The following CYRIB variants were observed in gnomAD, a reference collection of about 807,000 sequenced individuals.
The protein encoded by CYRIB is CYFIP-related Rac1 interactor B.
In CYRIB, 8 loss-of-function variants were observed where a neutral mutation model predicts 44.2. That is an observed-to-expected ratio of 0.18 (90% CI 0.11 to 0.33). CYRIB has a LOEUF of 0.33. Among genes scored for constraint, CYRIB ranks in the 10% least tolerant of loss-of-function variants. The probability of loss-of-function intolerance (pLI) is 1.00; values close to 1 mark genes in which losing one functional copy is unlikely to be tolerated. For missense variants in CYRIB, 185 were observed against 382.8 expected, an observed-to-expected ratio of 0.48 and a Z score of 4.31; for synonymous variants, 131 against 127.2, an observed-to-expected ratio of 1.03 and a Z score of -0.20.
At chr8:129,976,675 C>T (rs887223882) in intron 1 of CYRIB, among the ~76,000 whole-genome samples, 2 of 152,140 alleles carry the variant, frequency 1.3e-5, no homozygotes, top group African/African-American at 2.4e-5. Flanking sequence ...TTTCTCCCTA[C>T]GGCTGCCTCT....
At chr8:129,995,884 A>G (rs1056267973) in intron 1 of CYRIB, among the ~76,000 whole-genome samples, 2 of 152,206 alleles carry the variant, frequency 1.3e-5, no homozygotes, top group Admixed American at 1.3e-4. Context: ...AGATGTCAAC[A>G]TGGTAGATGG....
chr8:129,931,697 G>A (rs573160596), intron 1 of CYRIB, among the ~76,000 whole-genome samples: 13 of 152,192 alleles, frequency 8.5e-5, no homozygotes, highest in African/African-American at 3.1e-4. Flanking sequence ...CATGATCTTG[G>A]CTCACTGCAA....
intron 2 of CYRIB, among the ~76,000 whole-genome samples, chr8:129,892,687 C>T (rs2065976435): frequency 6.6e-6 from 1 of 152,146 alleles, no homozygotes; most frequent in African/African-American, 2.4e-5. Flanking sequence ...GTGTAAACTA[C>T]TATGAGAAGT....
At chr8:129,895,867 C>A (rs189711859) in intron 2 of CYRIB, among the ~76,000 whole-genome samples, 1 of 152,156 alleles carries the variant, frequency 6.6e-6, no homozygotes. Flanking sequence ...AGCCACTGCA[C>A]CTGGTTTATT....
At chr8:129,966,180 T>C (rs139764810) in intron 2 of CYRIB, among the ~76,000 whole-genome samples, 116 of 152,344 alleles carry the variant, frequency 7.6e-4, no homozygotes, top group Non-Finnish European at 1.5e-3. Flanking sequence ...TTGACATACA[T>C]TAAGTTGCTT....
At chr8:129,921,887 A>C (rs2083818392) in intron 1 of CYRIB, among the ~76,000 whole-genome samples, 1 of 152,198 alleles carries the variant, frequency 6.6e-6, no homozygotes, top group Non-Finnish European at 1.5e-5. Flanking sequence ...AGTTTTGGAC[A>C]TGTTAAATTT....
intron 3 of CYRIB, among the ~76,000 whole-genome samples, chr8:129,873,936 T>G (rs1418327693): frequency 2.0e-5 from 3 of 152,026 alleles, no homozygotes; most frequent in African/African-American, 7.2e-5. Flanking sequence ...TTTTGAAAGC[T>G]GCTGAAGACT....
At chr8:129,841,903 A>G (rs932026029) in exon 12 of CYRIB, 7 of 420,504 alleles carry the variant, frequency 1.7e-5, no homozygotes, top group Non-Finnish European at 2.6e-5. Context: ...AATGCAATGC[A>G]TAATTAGCTG....
intron 1 of CYRIB, among the ~76,000 whole-genome samples, chr8:129,977,869 G>A (rs1258263956): frequency 2.6e-5 from 4 of 152,124 alleles, no homozygotes; most frequent in Non-Finnish European, 5.9e-5. Context: ...AGCACCTTGA[G>A]GGTGGACATC....
At chr8:129,985,614 C>A (rs2096427960) in intron 1 of CYRIB, among the ~76,000 whole-genome samples, 1 of 152,046 alleles carries the variant, frequency 6.6e-6, no homozygotes, top group African/African-American at 2.4e-5. Flanking sequence ...TATTTGCACA[C>A]TCTCCAAAGC....
intron 1 of CYRIB, among the ~76,000 whole-genome samples, chr8:129,919,464 G>C (rs1027963528): frequency 6.6e-6 from 1 of 152,124 alleles, no homozygotes; most frequent in Non-Finnish European, 1.5e-5. Context: ...AAAGCTCATA[G>C]TCTATGAGAT....
chr8:129,882,135 GA>G (rs1169813564), intron 2 of CYRIB, among the ~76,000 whole-genome samples: 1 of 152,104 alleles, frequency 6.6e-6, no homozygotes, highest in Non-Finnish European at 1.5e-5. Context: ...AACTACAGAT[GA>G]AAAATATATC....
chr8:129,976,475 T>C (rs2095923312), intron 1 of CYRIB, among the ~76,000 whole-genome samples: 1 of 152,202 alleles, frequency 6.6e-6, no homozygotes, highest in Non-Finnish European at 1.5e-5. Flanking sequence ...ATTACGGCAA[T>C]GTTTAACAAA....
Position 129,850,757 on chromosome 8 carries a change from G to A in CYRIB, c.713+78C>T, listed in dbSNP as rs757425816. ...CCTTCCAGATAAAACATGTTAACATGTTCATATATGAACATGTTTTGAAAT... is the reference window on the plus strand; with the variant it reads ...CCTTCCAGATAAAACATGTTAACATATTCATATATGAACATGTTTTGAAAT... On this transcript the variant is annotated intron_variant, in intron 9 of 11. Transcript: ENST00000519824. 1.4e-5 allele frequency: 14 copies of A among 992,524 alleles called. No individual in the cohort carries two copies. The Admixed American group carries it at 2.7e-4, about 19-fold the overall frequency. 61.5% of individuals were successfully genotyped at this position (992,524 alleles called of 1,614,324 possible).
chr8:129,858,287 T>C (rs1167926699), intron 5 of CYRIB, among the ~76,000 whole-genome samples: 3 of 152,034 alleles, frequency 2.0e-5, no homozygotes, highest in Non-Finnish European at 4.4e-5. Context: ...AACCATGAGA[T>C]TATGATTTTT....
chr8:129,920,099 A>G (rs898804905), intron 1 of CYRIB, among the ~76,000 whole-genome samples: 26 of 152,198 alleles, frequency 1.7e-4, no homozygotes, highest in African/African-American at 6.0e-4. Flanking sequence ...CTTTCAAAAA[A>G]AAAAAAAAAA....
intron 1 of CYRIB, among the ~76,000 whole-genome samples, chr8:129,925,386 C>T (rs540301506): frequency 2.6e-4 from 40 of 151,732 alleles, no homozygotes; most frequent in African/African-American, 9.2e-4. Context: ...AGCGAGACTC[C>T]GTCTTAAAAA....
At chr8:129,839,643 T>C (rs1325602240) in exon 12 of CYRIB, 3 of 152,234 alleles carry the variant, frequency 2.0e-5, no homozygotes, top group Admixed American at 2.0e-4. Flanking sequence ...GAATTTCATA[T>C]GCTTTTCTCA....
rs555987518 is a variant in CYRIB at position 129,843,409 on chromosome 8, G to A, written c.912-1204C>T. Among the ~76,000 whole-genome samples the A allele has an allele frequency of 6.6e-5, 10 of 152,342 alleles. No individual in the cohort carries two copies. The South Asian group carries it at 1.7e-3, about 25-fold the overall frequency. Reference sequence around the variant, plus strand: ...CAGGGAGGCATTAAATAAGGGGGCTGTTACTGAGCACCAAGTGTGAGATAA... The same window carrying A: ...CAGGGAGGCATTAAATAAGGGGGCTATTACTGAGCACCAAGTGTGAGATAA... On this transcript the variant is annotated intron_variant, in intron 11 of 11. Transcript: ENST00000519824.
Sources: allele counts gnomAD v4.1 joint callset (sites outside exome capture counted in the v4.1 genomes callset), GRCh38; gene constraint gnomAD v4.1.1; transcripts MANE v1.5; gene names NCBI Gene and HGNC (gene_info 2026-07-23, HGNC 2026-07-21).